AMBRA1: variants seen among roughly 807,000 people sequenced by gnomAD.
AMBRA1 encodes the protein activating molecule in BECN1-regulated autophagy protein 1.
AMBRA1 carries 47 observed loss-of-function variants against 125.4 expected under a neutral mutation model. The observed-to-expected ratio is 0.37, with a 90% CI of 0.30 to 0.48. AMBRA1 has a LOEUF of 0.48. Among genes scored for constraint, AMBRA1 ranks in the 20% least tolerant of loss-of-function variants. The probability of loss-of-function intolerance (pLI) is 0.99; values close to 1 mark genes in which losing one functional copy is unlikely to be tolerated. For synonymous variants in AMBRA1, 626 were observed against 655.5 expected, an observed-to-expected ratio of 0.95 and a Z score of 0.69; for missense variants, 1,331 against 1,693.4, an observed-to-expected ratio of 0.79 and a Z score of 3.76.
intron 7 of AMBRA1, among the ~76,000 whole-genome samples, chr11:46,526,662 G>A (rs1443929036): frequency 6.6e-6 from 1 of 151,128 alleles, no homozygotes; most frequent in Non-Finnish European, 1.5e-5. Context: ...GCCTCCAGAT[G>A]ACTCTAGAGA....
intron 11 of AMBRA1, among the ~76,000 whole-genome samples, chr11:46,482,488 G>C (rs1159538655): frequency 1.3e-5 from 2 of 152,144 alleles, no homozygotes. Flanking sequence ...GTAGATTCTG[G>C]AGACAACTCA....
chr11:46,516,359 C>T (rs868250783), intron 7 of AMBRA1, among the ~76,000 whole-genome samples: 15 of 149,864 alleles, frequency 1.0e-4, no homozygotes, highest in South Asian at 8.5e-4. Context: ...ACTAGAGTTA[C>T]TAGATGAGTA....
At chr11:46,586,062 C>T (rs2135334096) in intron 1 of AMBRA1, among the ~76,000 whole-genome samples, 1 of 152,150 alleles carries the variant, frequency 6.6e-6, no homozygotes, top group South Asian at 2.1e-4. Flanking sequence ...CCTCAGCCTC[C>T]CAAAGTGCTG....
intron 15 of AMBRA1, among the ~76,000 whole-genome samples, chr11:46,412,889 T>C (rs1946363041): frequency 6.6e-6 from 1 of 152,324 alleles, no homozygotes; most frequent in East Asian, 1.9e-4. Context: ...CTGTGTTAGA[T>C]ACTATGTGAA....
At chr11:46,489,435 C>T (rs1014511203) in intron 11 of AMBRA1, among the ~76,000 whole-genome samples, 6 of 152,158 alleles carry the variant, frequency 3.9e-5, no homozygotes, top group Non-Finnish European at 8.8e-5. Context: ...TGAGCCACCG[C>T]ACCTGGCCAG....
chr11:46,470,646 T>G (rs1025593337), intron 11 of AMBRA1, among the ~76,000 whole-genome samples: 1 of 149,766 alleles, frequency 6.7e-6, no homozygotes, highest in African/African-American at 2.5e-5. Flanking sequence ...CCTGCGGTCC[T>G]AGCTACTCAG....
rs1303998407 is a variant in AMBRA1 at position 46,451,151 on chromosome 11, G to A, written c.2522-7553C>T. On this transcript the variant is annotated intron_variant, in intron 11 of 17. Transcript: ENST00000683756. ...CAGAAATTCCTTTCATTGAGGCTTA[G>A]AGCAAAAGAAGAAATAAAGATTATT... Among the ~76,000 whole-genome samples the A allele has an allele frequency of 2.0e-5, 3 of 152,170 alleles. No homozygotes were observed. The East Asian group carries it at 5.8e-4, about 29-fold the overall frequency.
chr11:46,557,416 T>C (rs2043192969), intron 1 of AMBRA1, among the ~76,000 whole-genome samples: 1 of 152,122 alleles, frequency 6.6e-6, no homozygotes, highest in South Asian at 2.1e-4. Context: ...AAATTAAATT[T>C]AAAACAAATT....
intron 1 of AMBRA1, among the ~76,000 whole-genome samples, chr11:46,552,590 C>T (rs1294644794): frequency 2.0e-5 from 3 of 148,926 alleles, no homozygotes; most frequent in African/African-American, 5.0e-5. Flanking sequence ...GGGGCTGAGG[C>T]GGGAGAATCA....
chr11:46,427,059 G>C (rs1324167786), intron 14 of AMBRA1, among the ~76,000 whole-genome samples: 2 of 152,146 alleles, frequency 1.3e-5, no homozygotes, highest in Admixed American at 1.3e-4. Context: ...ATATAGGGAA[G>C]CACAGATGAT....
chr11:46,553,304 C>G (rs2043066429), intron 1 of AMBRA1, among the ~76,000 whole-genome samples: 1 of 152,126 alleles, frequency 6.6e-6, no homozygotes, highest in Non-Finnish European at 1.5e-5. Flanking sequence ...ATAATTGGCT[C>G]TTTACATTTC....
chr11:46,576,306 G>T (rs936774141), intron 1 of AMBRA1, among the ~76,000 whole-genome samples: 2 of 152,168 alleles, frequency 1.3e-5, no homozygotes, highest in Non-Finnish European at 2.9e-5. Flanking sequence ...TGTTGCTGTT[G>T]TTTTGTAGAC....
chr11:46,473,690 C>T (rs1376288179), intron 11 of AMBRA1, among the ~76,000 whole-genome samples: 5 of 152,232 alleles, frequency 3.3e-5, no homozygotes, highest in African/African-American at 7.2e-5. Flanking sequence ...CTCGCACTGT[C>T]GCCCAGGCTG....
In AMBRA1 at chr11:46,408,037, C is replaced by T. The variant is rs551934419; in HGVS notation, c.3403+476G>A. ...ACCTGAAATAGGTGAGAGGAAGGGG[C>T]TGATGATAGGCCAGGCTGCAGCCAA... On this transcript the variant is annotated intron_variant, in intron 17 of 17. Transcript: ENST00000683756. Among the ~76,000 whole-genome samples, 6 of 152,256 alleles carry T rather than the reference C, an allele frequency of 3.9e-5. No individual in the cohort carries two copies. The East Asian group carries it at 1.2e-3, about 29-fold the overall frequency.
At chr11:46,447,606 A>T (rs1056294535) in intron 11 of AMBRA1, among the ~76,000 whole-genome samples, 1 of 152,130 alleles carries the variant, frequency 6.6e-6, no homozygotes, top group Admixed American at 6.5e-5. Flanking sequence ...CCAGCTACCC[A>T]GGAGACTGAG....
chr11:46,540,264 G>T (rs934939109), intron 7 of AMBRA1, among the ~76,000 whole-genome samples: 2 of 152,154 alleles, frequency 1.3e-5, no homozygotes, highest in Non-Finnish European at 2.9e-5. Context: ...CTGGTATTAC[G>T]GAAACAGCAA....
intron 1 of AMBRA1, among the ~76,000 whole-genome samples, chr11:46,586,727 T>C (rs1203976004): frequency 6.6e-6 from 1 of 152,220 alleles, no homozygotes; most frequent in Non-Finnish European, 1.5e-5. Context: ...AACAACTGTA[T>C]GGTATTTTAC....
Position 46,408,633 on chromosome 11 carries a change from G to A in AMBRA1, c.3283C>T (p.Pro1095Ser), listed in dbSNP as rs968764162. Residue 1095 changes from proline (P) to serine (S), a missense_variant, in exon 17 of 18, where the codon CCT (proline) becomes TCT (serine). By Grantham distance (74) the Pro-to-Ser change is moderately conservative (BLOSUM62 -1). Coordinates refer to ENST00000683756, the MANE Select transcript of AMBRA1 (RefSeq NM_001387011.1). ...MNAIGLQPRN[P>S]ATSVTSQGTQ... is the part of the protein sequence containing the mutation. ...CCCTGAGATGTCACTGAGGTGGCAG[G>A]GTTCCGGGGCTGAAGCCCAATGGCA... The A allele has an allele frequency of 6.2e-7, 1 of 1,608,804 alleles. No homozygotes were observed. Among genetic ancestry groups the A allele is most frequent in the Non-Finnish European group, 8.5e-7 (1 of 1,176,738 alleles).
At chr11:46,526,109 G>A (rs1951959204) in intron 7 of AMBRA1, among the ~76,000 whole-genome samples, 1 of 152,102 alleles carries the variant, frequency 6.6e-6, no homozygotes, top group African/African-American at 2.4e-5. Flanking sequence ...AGAGGCTGAG[G>A]CAGGAGAATC....
Sources: gnomAD v4.1 joint callset for allele counts (sites outside exome capture counted in the v4.1 genomes callset) on GRCh38, gnomAD v4.1.1 for gene constraint, MANE v1.5 for transcripts, NCBI Gene and HGNC (gene_info 2026-07-23, HGNC 2026-07-21) for gene names.